Variants in CFI observed in about 807,000 individuals in gnomAD.
CFI encodes complement factor I.
In CFI, 66 loss-of-function variants were observed where a neutral mutation model predicts 78.8. That is an observed-to-expected ratio of 0.84 (90% confidence interval 0.69 to 1.03). The LOEUF (loss-of-function observed/expected upper bound fraction) is 1.03. Among genes scored for constraint, CFI ranks in the 50% least tolerant of loss-of-function variants. CFI has a pLI of 0.00. For synonymous variants in CFI, 250 were observed against 232.6 expected, an observed-to-expected ratio of 1.07 and a Z score of -0.68; for missense variants, 706 against 704.5, an observed-to-expected ratio of 1.00 and a Z score of -0.02.
At chr4:109,766,860 A>G in intron 1 of CFI, 36 bp from the exon 2 acceptor site, 1 of 1,607,010 alleles carries the variant, frequency 6.2e-7, no homozygotes, top group Non-Finnish European at 8.5e-7. Context: ...CTTAGCAACA[A>G]ATTAAAGACT....
In CFI at chr4:109,780,430, A is replaced by G. The variant is rs1729856188; in HGVS notation, c.58-13606T>C. ...ATCACTGGCCATCAGAGAAATGCAA[A>G]TCAAAACCACAATGAGATACCATCT... On this transcript the variant is annotated intron_variant, in intron 1 of 12. Coordinates refer to ENST00000394634, the MANE Select transcript of CFI (RefSeq NM_000204.5). Among the ~76,000 whole-genome samples the G allele has an allele frequency of 3.3e-5, 5 of 152,218 alleles. No homozygotes were observed. In the South Asian group the frequency reaches 1.0e-3, roughly 32 times the overall value.
rs1237258570 is a variant in CFI, at chr4:109,752,519, A to G, written c.905-16T>C. The G allele has an allele frequency of 2.5e-6, 4 of 1,605,238 alleles. No homozygotes were observed. The highest frequency in any genetic ancestry group is 3.4e-6 in the Non-Finnish European group (4 of 1,172,340). On this transcript the variant is annotated splice_polypyrimidine_tract_variant and intron_variant, in intron 7 of 12. Coordinates refer to ENST00000394634, the MANE Select transcript of CFI (RefSeq NM_000204.5). ...TCTGTTTCTTCTATGATAAAACAAAAGATTCCAATGTTTAAAGTTGTTAAT... is the reference window on the plus strand; with the variant it reads ...TCTGTTTCTTCTATGATAAAACAAAGGATTCCAATGTTTAAAGTTGTTAAT...
intron 7 of CFI, among the ~76,000 whole-genome samples, chr4:109,753,062 A>G (rs1365037415): frequency 3.4e-4 from 10 of 29,076 alleles, no homozygotes; most frequent in South Asian, 1.1e-3. Context: ...ATATTTATAT[A>G]TAAATAAATA....
At chr4:109,735,178 T>G in the CFI span, among the ~76,000 whole-genome samples, 1 of 152,162 alleles carries the variant, frequency 6.6e-6, no homozygotes, top group Non-Finnish European at 1.5e-5. Context: ...TGGTCTTGAA[T>G]TCTTGGGCTC....
downstream of CFI, among the ~76,000 whole-genome samples, chr4:109,739,549 A>G (rs1561279532): frequency 6.6e-6 from 1 of 151,968 alleles, no homozygotes; most frequent in Admixed American, 6.6e-5. Flanking sequence ...TGGGGGTGCT[A>G]TTTTCTGTAG....
At chr4:109,774,852 T>A (rs1729023686) in intron 1 of CFI, among the ~76,000 whole-genome samples, 1 of 152,178 alleles carries the variant, frequency 6.6e-6, no homozygotes, top group African/African-American at 2.4e-5. Flanking sequence ...GCATATAGTT[T>A]GTTCTTATTT....
At chr4:109,752,062 G>A (rs753889126) in intron 8 of CFI, among the ~76,000 whole-genome samples, 9 of 152,122 alleles carry the variant, frequency 5.9e-5, no homozygotes, top group Non-Finnish European at 1.0e-4. Flanking sequence ...TCCTATTACC[G>A]TGATTTAAAA....
chr4:109,749,164 T>C (rs1366144162), intron 10 of CFI, 54 bp downstream of exon 10: 38 of 1,420,572 alleles, frequency 2.7e-5, no homozygotes, highest in Non-Finnish European at 3.5e-5. Context: ...ACAATCTCTA[T>C]TACTCACTTT....
chr4:109,781,598 C>T (rs147593197), intron 1 of CFI, among the ~76,000 whole-genome samples: 106 of 152,206 alleles, frequency 7.0e-4, no homozygotes, highest in African/African-American at 2.5e-3. Flanking sequence ...GAATTTGTAC[C>T]TATCCTTTTG....
At chr4:109,793,376 C>T (rs754718301) in intron 1 of CFI, 1 of 152,218 alleles carries the variant, frequency 6.6e-6, no homozygotes, top group Non-Finnish European at 1.5e-5. Flanking sequence ...AGAAGAGATA[C>T]AAAACCAAAA....
chr4:109,775,530 C>T (rs1443401201), intron 1 of CFI, among the ~76,000 whole-genome samples: 2 of 152,230 alleles, frequency 1.3e-5, no homozygotes, highest in Admixed American at 6.5e-5. Context: ...CCCACCACAG[C>T]TCAAGGAGGC....
chr4:109,770,524 C>G (rs1728437408), intron 1 of CFI, among the ~76,000 whole-genome samples: 1 of 147,598 alleles, frequency 6.8e-6, no homozygotes, highest in Admixed American at 6.9e-5. Flanking sequence ...CCACTGCACT[C>G]CAACCTGGAT....
rs148120990 is a variant in CFI at position 109,777,360 on chromosome 4, C to T, written c.58-10536G>A. On this transcript the variant is annotated intron_variant, in intron 1 of 12. Transcript: ENST00000394634. Reference sequence around the variant, plus strand: ...GTCTCGGATAAAACAGACTTTAAACCAACAAAGATCAAAAGAGACAAAGAA... The same window carrying T: ...GTCTCGGATAAAACAGACTTTAAACTAACAAAGATCAAAAGAGACAAAGAA... Among the ~76,000 whole-genome samples the T allele has an allele frequency of 9.4e-3, 1,430 of 152,122 alleles. 66 individuals carry two copies. In the East Asian group the frequency reaches 0.13, roughly 13 times the overall value.
At chr4:109,746,177 A>G in intron 11 of CFI, 45 bp downstream of exon 11, 1 of 1,606,222 alleles carries the variant, frequency 6.2e-7, no homozygotes. Flanking sequence ...ATTCTCTTTC[A>G]TTTCCAACTC....
intron 1 of CFI, among the ~76,000 whole-genome samples, chr4:109,777,323 G>A (rs557761598): frequency 6.6e-6 from 1 of 152,206 alleles, no homozygotes; most frequent in African/African-American, 2.4e-5. Context: ...AAAGGCAGGG[G>A]TTGCAATCCT....
chr4:109,779,662 G>A (rs1032264450), intron 1 of CFI, among the ~76,000 whole-genome samples: 2 of 152,108 alleles, frequency 1.3e-5, no homozygotes, highest in African/African-American at 4.8e-5. Context: ...CCAAAAAAGA[G>A]CCCACATTGC....
chr4:109,766,851 T>G (rs769341815), intron 1 of CFI, 27 bp from the exon 2 acceptor site: 1 of 1,612,556 alleles, frequency 6.2e-7, no homozygotes, highest in Non-Finnish European at 8.5e-7. Flanking sequence ...AAACATTAAC[T>G]TAGCAACAAA....
At chr4:109,766,902 A>G in intron 1 of CFI, 78 bp from the exon 2 acceptor site, 1 of 1,429,900 alleles carries the variant, frequency 7.0e-7, no homozygotes, top group Non-Finnish European at 9.8e-7. Flanking sequence ...GAAGGAAAAG[A>G]GCAAAACAGA....
chr4:109,736,721 A>G (rs1723391305), downstream of CFI, among the ~76,000 whole-genome samples: 1 of 152,204 alleles, frequency 6.6e-6, no homozygotes, highest in Non-Finnish European at 1.5e-5. Context: ...GCAGGGTTTT[A>G]AGCCATCAGG....
Sources: gnomAD v4.1 joint callset for allele counts (sites outside exome capture counted in the v4.1 genomes callset) on GRCh38, gnomAD v4.1.1 for gene constraint, MANE v1.5 for transcripts, NCBI Gene and HGNC (gene_info 2026-07-23, HGNC 2026-07-21) for gene names.